Variants in ATF7IP2 observed in about 807,000 individuals in gnomAD.
ATF7IP2 encodes activating transcription factor 7 interacting protein 2.
ATF7IP2 carries 42 observed loss-of-function variants against 64.2 expected under a neutral mutation model. The observed-to-expected ratio is 0.65, with a 90% CI of 0.51 to 0.85. The LOEUF (loss-of-function observed/expected upper bound fraction) is 0.85, where lower values mean the gene tolerates loss of function less well. ATF7IP2 is among the 40% of genes least tolerant of loss of function. The pLI, the probability that ATF7IP2 is intolerant of heterozygous loss-of-function variation, is 0.00. For missense variants in ATF7IP2, 933 were observed against 784.2 expected (o/e 1.19, Z -2.27); for synonymous variants, 308 against 272.8 (o/e 1.13, Z -1.27).
intron 9 of ATF7IP2, among the ~76,000 whole-genome samples, chr16:10,459,219 A>G (rs944847038): frequency 3.9e-5 from 6 of 152,138 alleles, no homozygotes; most frequent in Admixed American, 3.3e-4. Flanking sequence ...CTTCCATCCC[A>G]GCACTTTCGG....
At chr16:10,453,023 G>A (rs528896224) in intron 8 of ATF7IP2, among the ~76,000 whole-genome samples, 2 of 152,268 alleles carry the variant, frequency 1.3e-5, no homozygotes, top group African/African-American at 4.8e-5. Context: ...GCTGGGCTCC[G>A]TGTGGGTGGG....
intron 1 of ATF7IP2, among the ~76,000 whole-genome samples, chr16:10,403,399 A>G (rs1294671605): frequency 6.6e-6 from 1 of 152,202 alleles, no homozygotes; most frequent in Non-Finnish European, 1.5e-5. Flanking sequence ...AACCAAGGAA[A>G]TAATAGAGTT....
intron 8 of ATF7IP2, among the ~76,000 whole-genome samples, chr16:10,444,372 T>C (rs1359155243): frequency 6.6e-6 from 1 of 152,128 alleles, no homozygotes; most frequent in Non-Finnish European, 1.5e-5. Flanking sequence ...TCTCAGTGGT[T>C]AGGGGCACTA....
intron 5 of ATF7IP2, among the ~76,000 whole-genome samples, chr16:10,431,905 C>A (rs1375554111): frequency 6.7e-6 from 1 of 148,180 alleles, no homozygotes; most frequent in Non-Finnish European, 1.5e-5. Context: ...CTCACTGCAA[C>A]CCCCACCTCC....
intron 9 of ATF7IP2, among the ~76,000 whole-genome samples, chr16:10,459,294 C>A (rs988170531): frequency 1.3e-5 from 2 of 151,980 alleles, no homozygotes; most frequent in African/African-American, 4.8e-5. Flanking sequence ...TGGTGAAACG[C>A]CGTCTCTACT....
In ATF7IP2 at chr16:10,480,884, C is replaced by G. The variant is rs757869030; in HGVS notation, c.1555C>G (p.Pro519Ala). The change falls in exon 13 of 14, where the codon CCA becomes GCA. Residue 519 changes from proline to alanine, a missense_variant. By Grantham distance (27) the Pro-to-Ala change is conservative. Coordinates refer to ENST00000562102, the MANE Select transcript of ATF7IP2 (RefSeq NM_001393719.1). ...EGLSNCNTES[P>A]VSPLESHSKA... Reference sequence around the variant, plus strand: ...AAACCTTGTGTTGTTCACAGAAAGTCCAGTATCCCCCCTGGAGTCACATTC... The same window carrying G: ...AAACCTTGTGTTGTTCACAGAAAGTGCAGTATCCCCCCTGGAGTCACATTC... The G allele has an allele frequency of 1.2e-6, 2 of 1,608,512 alleles. No individual in the cohort carries two copies. Among genetic ancestry groups the G allele is most frequent in the Non-Finnish European group, 1.7e-6 (2 of 1,175,114 alleles).
At chr16:10,415,464 A>G (rs914867911) in intron 2 of ATF7IP2, among the ~76,000 whole-genome samples, 3 of 152,212 alleles carry the variant, frequency 2.0e-5, no homozygotes, top group African/African-American at 7.2e-5. Flanking sequence ...CTCTCACTAT[A>G]TATAAAAAGG....
intron 9 of ATF7IP2, among the ~76,000 whole-genome samples, chr16:10,461,189 C>T (rs1177217002): frequency 6.6e-6 from 1 of 152,030 alleles, no homozygotes; most frequent in Non-Finnish European, 1.5e-5. Context: ...AAAAATCTGA[C>T]TACTGGGTAT....
intron 8 of ATF7IP2, among the ~76,000 whole-genome samples, chr16:10,451,419 T>G (rs1419997080): frequency 6.6e-6 from 1 of 152,182 alleles, no homozygotes; most frequent in Non-Finnish European, 1.5e-5. Flanking sequence ...TTTTCTAACT[T>G]GGTTCCCTTC....
In ATF7IP2 at chr16:10,482,651, A is replaced by T. The variant is rs566331412; in HGVS notation, c.*402A>T. 5.7e-4 allele frequency: 89 copies of T among 155,698 alleles called. No homozygotes were observed. Among genetic ancestry groups the T allele is most frequent in the Admixed American group, 1.3e-3 (20 of 15,458 alleles). 9.6% of individuals were successfully genotyped at this position (155,698 alleles called of 1,614,324 possible). On this transcript the variant is annotated 3_prime_UTR_variant, in exon 14 of 14. Coordinates refer to ENST00000562102, the MANE Select transcript of ATF7IP2 (RefSeq NM_001393719.1). Reference sequence around the variant, plus strand: ...TCAGCCCTTGACTGAGGGCCAGATCATCCCTGGAGTGCACCTCTACTAAGA... The same window carrying T: ...TCAGCCCTTGACTGAGGGCCAGATCTTCCCTGGAGTGCACCTCTACTAAGA...
At chr16:10,403,051 A>G (rs998726142) in intron 1 of ATF7IP2, among the ~76,000 whole-genome samples, 6 of 152,116 alleles carry the variant, frequency 3.9e-5, no homozygotes, top group Non-Finnish European at 7.4e-5. Context: ...TTTCAGTCCA[A>G]TATTTGATTT....
chr16:10,436,308 G>A (rs962465755), intron 6 of ATF7IP2, among the ~76,000 whole-genome samples: 3 of 152,176 alleles, frequency 2.0e-5, no homozygotes, highest in South Asian at 2.1e-4. Context: ...ATTGCAGTGA[G>A]CCGGGATCAC....
intron 12 of ATF7IP2, among the ~76,000 whole-genome samples, chr16:10,476,897 A>G (rs953969217): frequency 1.3e-5 from 2 of 152,064 alleles, no homozygotes; most frequent in African/African-American, 4.8e-5. Context: ...TCTTTAGTCT[A>G]TCATTGATGG....
At chr16:10,395,909 G>C (rs933600219) in intron 1 of ATF7IP2, among the ~76,000 whole-genome samples, 10 of 151,922 alleles carry the variant, frequency 6.6e-5, no homozygotes, top group Admixed American at 6.6e-4. Context: ...GGAGGATCTA[G>C]TCAGGAAAAT....
intron 1 of ATF7IP2, among the ~76,000 whole-genome samples, chr16:10,407,956 G>C (rs968451288): frequency 6.6e-6 from 1 of 151,516 alleles, no homozygotes; most frequent in Non-Finnish European, 1.5e-5. Context: ...TCTCTCACCA[G>C]GCTGGAGTGC....
chr16:10,415,256 C>T (rs1454436814), intron 2 of ATF7IP2, among the ~76,000 whole-genome samples: 1 of 152,198 alleles, frequency 6.6e-6, no homozygotes, highest in Non-Finnish European at 1.5e-5. Flanking sequence ...ACTAAAACAG[C>T]ATGGTACTAG....
chr16:10,419,402 A>G (rs113480246), intron 2 of ATF7IP2, among the ~76,000 whole-genome samples, 179 bp from the exon 3 acceptor site: 534 of 152,248 alleles, frequency 3.5e-3, no homozygotes, highest in Middle Eastern at 0.01. Flanking sequence ...GTATACCTCC[A>G]CTGGGGGGTC....
intron 1 of ATF7IP2, among the ~76,000 whole-genome samples, chr16:10,397,685 T>C (rs1270422524): frequency 1.3e-5 from 2 of 151,862 alleles, no homozygotes; most frequent in Admixed American, 1.3e-4. Flanking sequence ...GAGACCAGCC[T>C]GGGCAACATG....
At chr16:10,409,831 G>T (rs2047717451) in intron 1 of ATF7IP2, among the ~76,000 whole-genome samples, 1 of 152,226 alleles carries the variant, frequency 6.6e-6, no homozygotes, top group South Asian at 2.1e-4. Flanking sequence ...GTGTTGAATA[G>T]AGTGCCCTTT....
Sources: allele counts gnomAD v4.1 joint callset (sites outside exome capture counted in the v4.1 genomes callset), GRCh38; gene constraint gnomAD v4.1.1; transcripts MANE v1.5; gene names NCBI Gene and HGNC (gene_info 2026-07-23, HGNC 2026-07-21).